Variants in CDH12 observed in about 807,000 individuals in gnomAD.
CDH12 encodes cadherin-12.
In CDH12, 41 loss-of-function variants were observed where a neutral mutation model predicts 74.1. The ratio of observed to expected loss-of-function variants is 0.55; its 90% CI spans 0.43 to 0.72. The LOEUF is 0.72. Ranked by LOEUF, CDH12 falls within the 30% of genes least tolerant of loss-of-function variation. The pLI is 0.00. For missense variants in CDH12, 945 were observed against 977.2 expected, an observed-to-expected ratio of 0.97 and a Z score of 0.44; for synonymous variants, 399 against 355.0, an observed-to-expected ratio of 1.12 and a Z score of -1.39.
intron 9 of CDH12, 125 bp from the exon 10 acceptor site, chr5:21,802,545 C>A: frequency 9.2e-5 from 62 of 675,546 alleles, no homozygotes; most frequent in Middle Eastern, 8.0e-4. Flanking sequence ...TTTCATTTTT[C>A]TTAATAACTA....
intron 3 of CDH12, among the ~76,000 whole-genome samples, chr5:22,337,180 C>A (rs1017283346): frequency 6.6e-6 from 1 of 152,176 alleles, no homozygotes; most frequent in Admixed American, 6.5e-5. Flanking sequence ...TTACCCAATG[C>A]CAGTACCCCA....
intron 4 of CDH12, among the ~76,000 whole-genome samples, chr5:22,091,197 GTATATA>G (rs144921991): frequency 5.5e-4 from 73 of 132,230 alleles, no homozygotes; most frequent in East Asian, 1.3e-3. Flanking sequence ...GTGTGTGTGT[GTATATA>G]TATATATATA....
Position 22,125,297 on chromosome 5 carries a change from TC to T in CDH12, c.-186-46436del, listed in dbSNP as rs1745787528. Among the ~76,000 whole-genome samples, 4 of 152,074 alleles carry T rather than the reference TC, an allele frequency of 2.6e-5. No homozygotes were observed. In the South Asian group the frequency reaches 8.3e-4, roughly 32 times the overall value. ...CCCGACAGGCCTCGGTGTATGATGT[TC>T]CCCTCCCTGTGTCCATTTGTTCTCA... On this transcript the variant is annotated intron_variant, in intron 4 of 14. Coordinates refer to ENST00000382254, the MANE Select transcript of CDH12 (RefSeq NM_004061.5).
intron 4 of CDH12, among the ~76,000 whole-genome samples, chr5:22,174,344 A>G (rs1425423182): frequency 6.6e-6 from 1 of 151,992 alleles, no homozygotes; most frequent in Non-Finnish European, 1.5e-5. Flanking sequence ...CTAATTTAAT[A>G]GTAAGTTAAA....
At chr5:22,307,873 G>T (rs372615115) in intron 3 of CDH12, among the ~76,000 whole-genome samples, 82 of 68,624 alleles carry the variant, frequency 1.2e-3, no homozygotes, top group South Asian at 3.8e-3. Flanking sequence ...CTTTCTTTTA[G>T]TTTTTTTTTT....
intron 3 of CDH12, among the ~76,000 whole-genome samples, chr5:22,306,727 C>A (rs1738133038): frequency 6.6e-6 from 1 of 151,976 alleles, no homozygotes; most frequent in Non-Finnish European, 1.5e-5. Context: ...GATAAGTAAC[C>A]TGTTTTTAAA....
chr5:22,511,313 C>T (rs1032373975), intron 1 of CDH12, among the ~76,000 whole-genome samples: 1 of 151,882 alleles, frequency 6.6e-6, no homozygotes, highest in African/African-American at 2.4e-5. Flanking sequence ...AAAAGAAAAG[C>T]TATGTCATTG....
chr5:21,756,254 T>C lies in CDH12; in HGVS notation c.1634-412A>G, dbSNP rs189231535. Among the ~76,000 whole-genome samples, 689 of 152,222 alleles carry C rather than the reference T, an allele frequency of 4.5e-3. 5 individuals carry two copies. The highest frequency in any genetic ancestry group is 0.014 in the Middle Eastern group (4 of 290). ...ATTCTTTAAACTATATTAAAACCAA[T>C]TGACTATTTTAAATTAAGGATTTTT... On this transcript the variant is annotated intron_variant, in intron 13 of 14. Coordinates refer to ENST00000382254, the MANE Select transcript of CDH12 (RefSeq NM_004061.5).
chr5:22,322,944 T>G (rs1311054775), intron 3 of CDH12, among the ~76,000 whole-genome samples: 1 of 152,160 alleles, frequency 6.6e-6, no homozygotes, highest in Non-Finnish European at 1.5e-5. Flanking sequence ...TATAATTAAA[T>G]CCTTATCAAT....
chr5:22,411,561 T>C (rs903791691), intron 2 of CDH12, among the ~76,000 whole-genome samples: 4 of 152,062 alleles, frequency 2.6e-5, no homozygotes, highest in African/African-American at 9.6e-5. Flanking sequence ...GCTATTTCAC[T>C]ATATTTCAAC....
At chr5:22,267,566 G>C (rs760971483) in intron 3 of CDH12, among the ~76,000 whole-genome samples, 18 of 152,048 alleles carry the variant, frequency 1.2e-4, no homozygotes, top group Non-Finnish European at 2.2e-4. Flanking sequence ...GTATTCAAAG[G>C]TATGTACTTC....
At chr5:22,405,404 C>T in intron 2 of CDH12, 53 bp from the exon 3 acceptor site, 1 of 368,342 alleles carries the variant, frequency 2.7e-6, no homozygotes, top group Non-Finnish European at 3.8e-6. Flanking sequence ...TCTCTGTATT[C>T]TGTGCATCAT....
intron 1 of CDH12, among the ~76,000 whole-genome samples, chr5:22,744,234 C>A (rs1745180928): frequency 6.6e-6 from 1 of 152,036 alleles, no homozygotes; most frequent in African/African-American, 2.4e-5. Flanking sequence ...TCAAGACCAT[C>A]CTGGCTAACA....
At chr5:22,585,924 C>T (rs1224858557) in intron 1 of CDH12, among the ~76,000 whole-genome samples, 1 of 152,094 alleles carries the variant, frequency 6.6e-6, no homozygotes, top group Non-Finnish European at 1.5e-5. Flanking sequence ...TTGTGGAAGA[C>T]AGTGTGGCGA....
chr5:22,014,975 T>C (rs943179638), intron 5 of CDH12, among the ~76,000 whole-genome samples: 2 of 152,156 alleles, frequency 1.3e-5, no homozygotes, highest in African/African-American at 4.8e-5. Flanking sequence ...AACATTAGTA[T>C]AGATGCTACA....
chr5:21,985,658 A>G (rs1012678491), intron 5 of CDH12, among the ~76,000 whole-genome samples: 18 of 152,220 alleles, frequency 1.2e-4, no homozygotes, highest in African/African-American at 4.1e-4. Flanking sequence ...GTCTGAAATA[A>G]TTTTATTATG....
intron 5 of CDH12, among the ~76,000 whole-genome samples, chr5:22,001,349 C>T (rs1255080833): frequency 6.6e-6 from 1 of 152,094 alleles, no homozygotes; most frequent in Non-Finnish European, 1.5e-5. Flanking sequence ...CAGCATGTAT[C>T]ATCAATGGCT....
At chr5:22,506,532 A>G (rs980704354) in intron 1 of CDH12, among the ~76,000 whole-genome samples, 3 of 152,084 alleles carry the variant, frequency 2.0e-5, no homozygotes, top group Admixed American at 2.0e-4. Flanking sequence ...CTGGCATGAT[A>G]AGATAGTCCA....
intron 1 of CDH12, among the ~76,000 whole-genome samples, chr5:22,546,742 T>C (rs1462091574): frequency 6.6e-6 from 1 of 152,136 alleles, no homozygotes; most frequent in Non-Finnish European, 1.5e-5. Flanking sequence ...AGAGAACCTA[T>C]AATCCATATG....
Sources: allele counts gnomAD v4.1 joint callset (sites outside exome capture counted in the v4.1 genomes callset), GRCh38; gene constraint gnomAD v4.1.1; transcripts MANE v1.5; gene names NCBI Gene and HGNC (gene_info 2026-07-23, HGNC 2026-07-21).